TRIM3: variants seen among roughly 807,000 people sequenced by gnomAD.
TRIM3 encodes the protein tripartite motif containing 3, also known as tripartite motif-containing protein 3.
A neutral mutation model predicts 66.6 loss-of-function variants in TRIM3; 13 were observed. The ratio of observed to expected loss-of-function variants is 0.20; its 90% CI spans 0.13 to 0.31. TRIM3 has a LOEUF of 0.31. TRIM3 is among the 10% of genes least tolerant of loss of function. TRIM3 has a pLI of 1.00. For synonymous variants in TRIM3, 406 were observed against 411.7 expected (o/e 0.99, Z 0.17); for missense variants, 711 against 1,020.4 (o/e 0.70, Z 4.13).
rs1275213089 is a variant in TRIM3, at chr11:6,450,666, A to C, written c.1871-45T>G. The C allele has an allele frequency of 6.3e-6, 10 of 1,577,174 alleles. No individual in the cohort carries two copies. Among genetic ancestry groups the C allele is most frequent in the Non-Finnish European group, 8.7e-6 (10 of 1,146,720 alleles). On this transcript the variant is annotated intron_variant, in intron 9 of 11. Coordinates refer to ENST00000345851, the MANE Select transcript of TRIM3 (RefSeq NM_033278.4). This position sits in a 1 kb window ranked among gnomAD's most constrained non-coding sequence, Gnocchi z 4.8. ...TTCAGGGCAGTAAGCTGGGATGCTG[A>C]GTGGGATGGGGAAGAGTATCTGGGA... is the stretch of plus-strand genomic sequence containing the variant.
Position 6,449,265 on chromosome 11 carries a change from C to A in TRIM3, c.2082+41G>T, listed in dbSNP as rs371550914. ...GGGGGAACGGGCATATGGGACACACCAGGAAACCGCCCCCTCATGTCATTC... is the reference window on the plus strand; with the variant it reads ...GGGGGAACGGGCATATGGGACACACAAGGAAACCGCCCCCTCATGTCATTC... On this transcript the variant is annotated intron_variant, in intron 11 of 11. Transcript: ENST00000345851. The surrounding 1 kb of genome is among the most constrained non-coding windows in gnomAD (Gnocchi z 5.3). 35 of 1,610,096 alleles carry A rather than the reference C, an allele frequency of 2.2e-5. No homozygotes were observed. The African/African-American group carries it at 4.1e-4, about 19-fold the overall frequency.
At chr11:6,455,954 C>G in intron 7 of TRIM3, 118 bp downstream of exon 7, 2 of 636,722 alleles carry the variant, frequency 3.1e-6, no homozygotes, top group Non-Finnish European at 4.8e-6. Context: ...TCTTAAGGAA[C>G]GGTACTATCT....
intron 2 of TRIM3, among the ~76,000 whole-genome samples, chr11:6,459,840 T>C (rs1034896689): frequency 2.0e-5 from 3 of 152,116 alleles, no homozygotes; most frequent in South Asian, 2.1e-4. Flanking sequence ...ATGAGAAACA[T>C]AGAAAGAGGA....
chr11:6,450,389 AG>A lies in TRIM3; in HGVS notation c.1941+161del, dbSNP rs1849671964. 14 of 643,968 alleles carry A rather than the reference AG, an allele frequency of 2.2e-5. No homozygotes were observed. The South Asian group carries it at 2.5e-4, about 11-fold the overall frequency. 39.9% of individuals were successfully genotyped at this position (643,968 alleles called of 1,614,324 possible). ...GTGCATCACTGTATCTCCAGCTTCT[AG>A]CATACTGCCTGGGACAAAGCAGCCA... On this transcript the variant is annotated intron_variant, in intron 10 of 11. Coordinates refer to ENST00000345851, the MANE Select transcript of TRIM3 (RefSeq NM_033278.4). The surrounding 1 kb of genome is among the most constrained non-coding windows in gnomAD (Gnocchi z 4.8).
At position 6,450,358 on chromosome 11, in the gene TRIM3, T is replaced by C; in HGVS notation, c.1941+193A>G. On this transcript the variant is annotated intron_variant, in intron 10 of 11. Coordinates refer to ENST00000345851, the MANE Select transcript of TRIM3 (RefSeq NM_033278.4). The surrounding 1 kb of genome is among the most constrained non-coding windows in gnomAD (Gnocchi z 4.8). ...TAATCAAGAAGACACAGAATACATT[T>C]GCTTTGTGCATCACTGTATCTCCAG... 2 of 597,056 alleles carry C rather than the reference T, an allele frequency of 3.3e-6. No individual in the cohort carries two copies. The allele number at this position is 597,056 out of a possible 1,614,324, so 37.0% of individuals were successfully genotyped here.
chr11:6,450,468 A>T lies in TRIM3; in HGVS notation c.1941+83T>A. ...TGAGTGAATGATCTCAAAGGGGAAA[A>T]GGAGGAGGTAAAATAGAGAGGAGTC... is the stretch of plus-strand genomic sequence containing the variant. On this transcript the variant is annotated intron_variant, in intron 10 of 11. Coordinates refer to ENST00000345851, the MANE Select transcript of TRIM3 (RefSeq NM_033278.4). This position sits in a 1 kb window ranked among gnomAD's most constrained non-coding sequence, Gnocchi z 4.8. 8.4e-7 allele frequency: 1 copy of T among 1,192,908 alleles called. No homozygotes were observed. Among genetic ancestry groups the T allele is most frequent in the Non-Finnish European group, 1.3e-6 (1 of 798,274 alleles). 73.9% of individuals were successfully genotyped at this position (1,192,908 alleles called of 1,614,324 possible).
rs191487212 is a variant in TRIM3, at chr11:6,468,818, G to A, written c.-37-3086C>T. Among the ~76,000 whole-genome samples the A allele has an allele frequency of 3.9e-5, 6 of 152,284 alleles. No individual in the cohort carries two copies. The East Asian group carries it at 1.2e-3, about 29-fold the overall frequency. ...ATAGGACCAGGTCACCATTGTCTGT[G>A]CTGTTGGATGCATTATGAGCCTTTT... On this transcript the variant is annotated intron_variant, in intron 1 of 11. Coordinates refer to ENST00000345851, the MANE Select transcript of TRIM3 (RefSeq NM_033278.4).
intron 2 of TRIM3, among the ~76,000 whole-genome samples, chr11:6,459,980 T>C (rs1207989062): frequency 6.6e-6 from 1 of 152,176 alleles, no homozygotes; most frequent in Non-Finnish European, 1.5e-5. Flanking sequence ...AACATTTAGA[T>C]GGCTTCGGTA....
At chr11:6,465,504 A>C in intron 2 of TRIM3, 61 bp downstream of exon 2, 2 of 1,589,016 alleles carry the variant, frequency 1.3e-6, no homozygotes, top group Non-Finnish European at 1.7e-6. Context: ...CCCACAGGGG[A>C]GGAGGATCCT....
chr11:6,461,877 C>A (rs1294251294), intron 2 of TRIM3, among the ~76,000 whole-genome samples: 1 of 152,094 alleles, frequency 6.6e-6, no homozygotes, highest in Non-Finnish European at 1.5e-5. Flanking sequence ...TTTAAAAACT[C>A]CAATGGTTTC....
intron 2 of TRIM3, among the ~76,000 whole-genome samples, chr11:6,463,780 C>T (rs1850337177): frequency 6.6e-6 from 1 of 152,076 alleles, no homozygotes; most frequent in Non-Finnish European, 1.5e-5. Context: ...GGGAGTGTTA[C>T]TGAGGTGGAA....
chr11:6,456,822 C>A lies in TRIM3; in HGVS notation c.904G>T (p.Val302Leu). The change falls in exon 6 of 12, where the codon GTG becomes TTG. Residue 302 changes from valine to leucine, a missense_variant. Val to Leu is a conservative substitution (Grantham distance 32). Coordinates refer to ENST00000345851, the MANE Select transcript of TRIM3 (RefSeq NM_033278.4). This position sits in a 1 kb window ranked among gnomAD's most constrained non-coding sequence, Gnocchi z 6.4. ...AGCACCGATCGCCGCAGACCGTCCA[C>A]CTCAAGGACCAGTTCCAGCTGTGCA... is the stretch of plus-strand genomic sequence containing the variant. ...ENAQLELVLE[V>L]DGLRRSVLNL... The A allele has an allele frequency of 6.2e-7, 1 of 1,613,058 alleles. No individual in the cohort carries two copies. Among genetic ancestry groups the A allele is most frequent in the Non-Finnish European group, 8.5e-7 (1 of 1,179,974 alleles).
upstream of TRIM3, chr11:6,474,074 C>T (rs1259451818): frequency 6.7e-6 from 1 of 150,214 alleles, no homozygotes; most frequent in African/African-American, 2.4e-5. Flanking sequence ...CCTACCGCAC[C>T]CGCACGCCCC....
At chr11:6,464,011 A>G (rs1850345393) in intron 2 of TRIM3, among the ~76,000 whole-genome samples, 1 of 152,226 alleles carries the variant, frequency 6.6e-6, no homozygotes, top group African/African-American at 2.4e-5. Flanking sequence ...GCAGAGGAAA[A>G]GTGCGGATAG....
At position 6,450,475 on chromosome 11, in the gene TRIM3, G is replaced by C; in HGVS notation, c.1941+76C>G. On this transcript the variant is annotated intron_variant, in intron 10 of 11. Coordinates refer to ENST00000345851, the MANE Select transcript of TRIM3 (RefSeq NM_033278.4). The surrounding 1 kb of genome is among the most constrained non-coding windows in gnomAD (Gnocchi z 4.8). Reference sequence around the variant, plus strand: ...ATGATCTCAAAGGGGAAAAGGAGGAGGTAAAATAGAGAGGAGTCTTGTGGA... The same window carrying C: ...ATGATCTCAAAGGGGAAAAGGAGGACGTAAAATAGAGAGGAGTCTTGTGGA... 7.8e-7 allele frequency: 1 copy of C among 1,284,966 alleles called. No individual in the cohort carries two copies. Among genetic ancestry groups the C allele is most frequent in the Non-Finnish European group, 1.1e-6 (1 of 880,906 alleles). The allele number at this position is 1,284,966 out of a possible 1,614,324, so 79.6% of individuals were successfully genotyped here.
intron 7 of TRIM3, chr11:6,451,981 T>C (rs989598957): frequency 6.5e-6 from 1 of 154,166 alleles, no homozygotes; most frequent in East Asian, 1.9e-4. Context: ...AAGTCAAGAC[T>C]ACAAGCTAGC....
In TRIM3 at chr11:6,471,891, C is replaced by A. The variant is rs191721767; in HGVS notation, c.-38+1900G>T. On this transcript the variant is annotated intron_variant, in intron 1 of 11. Coordinates refer to ENST00000345851, the MANE Select transcript of TRIM3 (RefSeq NM_033278.4). Reference sequence around the variant, plus strand: ...AACTAAGAAATATGGAACAGATGGACAAGATTGCAAATCTCCAAAAGGCAG... The same window carrying A: ...AACTAAGAAATATGGAACAGATGGAAAAGATTGCAAATCTCCAAAAGGCAG... 2.0e-5 allele frequency among the ~76,000 whole-genome samples: 3 copies of A among 152,136 alleles called. No individual in the cohort carries two copies. In the East Asian group the frequency reaches 5.8e-4, roughly 29 times the overall value.
At chr11:6,463,399 T>C (rs1269716573) in intron 2 of TRIM3, among the ~76,000 whole-genome samples, 1 of 152,242 alleles carries the variant, frequency 6.6e-6, no homozygotes, top group Non-Finnish European at 1.5e-5. Context: ...CTACTGTTAT[T>C]ACAATTTCTC....
At position 6,450,720 on chromosome 11, in the gene TRIM3, G is replaced by T; in HGVS notation, c.1871-99C>A. The T allele has an allele frequency of 1.4e-6, 2 of 1,414,534 alleles. No individual in the cohort carries two copies. The highest frequency in any genetic ancestry group is 2.0e-6 in the Non-Finnish European group (2 of 1,004,036). 87.6% of individuals were successfully genotyped at this position (1,414,534 alleles called of 1,614,324 possible). A position where few individuals can be genotyped will look rare whatever the true frequency, so the allele number is the denominator to read the frequency against. ...TAAAAGCTAGGGTGTTAGGAGAGGG[G>T]TGGGGTCTCCAGGACTGAGACAAAT... On this transcript the variant is annotated intron_variant, in intron 9 of 11. Coordinates refer to ENST00000345851, the MANE Select transcript of TRIM3 (RefSeq NM_033278.4). This position sits in a 1 kb window ranked among gnomAD's most constrained non-coding sequence, Gnocchi z 4.8.
Sources: gnomAD v4.1 joint callset for allele counts (sites outside exome capture counted in the v4.1 genomes callset) on GRCh38, gnomAD v4.1.1 for gene constraint, Gnocchi (gnomAD v3.1) non-coding constraint, MANE v1.5 for transcripts, NCBI Gene and HGNC (gene_info 2026-07-23, HGNC 2026-07-21) for gene names.